The following BLTP3B variants were observed in gnomAD, a reference collection of about 807,000 sequenced individuals.
BLTP3B encodes UHRF1 (ICBP90) binding protein 1-like.
the BLTP3B span, among the ~76,000 whole-genome samples, chr12:100,071,313 A>T: frequency 6.6e-6 from 1 of 152,060 alleles, no homozygotes; most frequent in African/African-American, 2.4e-5. Context: ...CCTGGCCAAC[A>T]TGACAAAACC....
chr12:100,043,026 C>T, the BLTP3B span, among the ~76,000 whole-genome samples: 4 of 152,122 alleles, frequency 2.6e-5, no homozygotes, highest in South Asian at 2.1e-4. Context: ...CTTGAACTCT[C>T]GACCTTAGGT....
the BLTP3B span, among the ~76,000 whole-genome samples, chr12:100,102,110 C>CTTTTTTTTTTTT: frequency 8.1e-5 from 11 of 135,084 alleles, no homozygotes; most frequent in African/African-American, 3.0e-4. Flanking sequence ...CAACTTAACT[C>CTTTTTTTTTTTT]TTTTTTTTTT....
the BLTP3B span, chr12:100,142,850 G>C: frequency 6.6e-6 from 4 of 606,528 alleles, no homozygotes; most frequent in Admixed American, 7.2e-5. Flanking sequence ...GCGCCATCTT[G>C]GCTGCAGCAT....
At chr12:100,072,265 A>G in the BLTP3B span, among the ~76,000 whole-genome samples, 1 of 152,252 alleles carries the variant, frequency 6.6e-6, no homozygotes. Context: ...CTGCCTTGAA[A>G]AAAAAACAAA....
chr12:100,124,256 GGAGA>G, the BLTP3B span, among the ~76,000 whole-genome samples: 2 of 151,904 alleles, frequency 1.3e-5, no homozygotes, highest in African/African-American at 2.4e-5. Flanking sequence ...CTCCAGTCTG[GGAGA>G]GAGAGTGAGA....
the BLTP3B span, among the ~76,000 whole-genome samples, chr12:100,125,036 A>C: frequency 1.4e-5 from 2 of 141,044 alleles, no homozygotes; most frequent in South Asian, 4.5e-4. Flanking sequence ...CTTACATTAA[A>C]ATCTGGGCAT....
At chr12:100,093,044 T>C in the BLTP3B span, 14 of 788,604 alleles carry the variant, frequency 1.8e-5, no homozygotes, top group African/African-American at 2.1e-4. Context: ...CAAATGCCCA[T>C]AGGAAAATGT....
At chr12:100,059,284 C>T in the BLTP3B span, 1 of 1,613,910 alleles carries the variant, frequency 6.2e-7, no homozygotes, top group South Asian at 1.1e-5. Context: ...ATTTTGGTAT[C>T]TTGTTCATGA....
chr12:100,070,283 T>A, the BLTP3B span: 2 of 1,268,964 alleles, frequency 1.6e-6, no homozygotes, highest in Non-Finnish European at 2.0e-6. Context: ...TTATTTTTAA[T>A]TAATTAATTT....
At chr12:100,137,297 C>T in the BLTP3B span, among the ~76,000 whole-genome samples, 4 of 152,044 alleles carry the variant, frequency 2.6e-5, no homozygotes, top group African/African-American at 4.8e-5. Context: ...TCAGCTACCG[C>T]CCTCTCCTCC....
the BLTP3B span, among the ~76,000 whole-genome samples, chr12:100,054,318 AT>A: frequency 6.6e-6 from 1 of 152,174 alleles, no homozygotes; most frequent in East Asian, 1.9e-4. Context: ...ACATACATAT[AT>A]ATGGGTACAT....
the BLTP3B span, chr12:100,084,346 A>G: frequency 1.9e-6 from 2 of 1,042,152 alleles, no homozygotes; most frequent in Non-Finnish European, 2.7e-6. Context: ...AAAAGAAGAA[A>G]AAAAAATACT....
the BLTP3B span, among the ~76,000 whole-genome samples, chr12:100,139,152 T>G: frequency 2.0e-5 from 3 of 152,200 alleles, no homozygotes; most frequent in Non-Finnish European, 4.4e-5. Flanking sequence ...ATTCTTCAAG[T>G]AGATAAACTT....
chr12:100,131,436 T>C, the BLTP3B span, among the ~76,000 whole-genome samples: 1 of 151,968 alleles, frequency 6.6e-6, no homozygotes, highest in Non-Finnish European at 1.5e-5. Flanking sequence ...ATACTGGTAG[T>C]GGTAAAAAGA....
the BLTP3B span, among the ~76,000 whole-genome samples, chr12:100,132,842 G>A: frequency 1.1e-4 from 16 of 152,032 alleles, no homozygotes; most frequent in African/African-American, 1.9e-4. Context: ...CAGCTACTCC[G>A]GAGGCTGAGG....
the BLTP3B span, among the ~76,000 whole-genome samples, chr12:100,046,690 C>T: frequency 2.6e-5 from 4 of 151,754 alleles, no homozygotes; most frequent in Admixed American, 2.0e-4. Context: ...AAAACCTGGA[C>T]GTTGGGTACA....
chr12:100,122,727 A>T, the BLTP3B span, among the ~76,000 whole-genome samples: 1 of 152,166 alleles, frequency 6.6e-6, no homozygotes, highest in Non-Finnish European at 1.5e-5. Context: ...TCCCTGCTTT[A>T]CACAAATCCC....
At chr12:100,142,489 TC>T in the BLTP3B span, 1 of 1,322,760 alleles carries the variant, frequency 7.6e-7, no homozygotes, top group Non-Finnish European at 1.0e-6. Context: ...GAAGGTCGCC[TC>T]CCGCACAGCC....
At chr12:100,095,199 T>C in the BLTP3B span, among the ~76,000 whole-genome samples, 1 of 152,176 alleles carries the variant, frequency 6.6e-6, no homozygotes, top group Non-Finnish European at 1.5e-5. Flanking sequence ...AAGAAAGTGA[T>C]AAATAGCTCA....
Sources: allele counts gnomAD v4.1 joint callset (sites outside exome capture counted in the v4.1 genomes callset), GRCh38; gene constraint gnomAD v4.1.1; transcripts MANE v1.5; gene names NCBI Gene and HGNC (gene_info 2026-07-23, HGNC 2026-07-21).